CEP162: variants seen among roughly 807,000 people sequenced by gnomAD.
The protein encoded by CEP162 is centrosomal protein of 162 kDa.
Under a neutral mutation model 169.2 loss-of-function variants are expected in CEP162, and 141 were observed. The ratio of observed to expected loss-of-function variants is 0.83; its 90% CI spans 0.73 to 0.96. CEP162 has a LOEUF of 0.96. Ranked by LOEUF, CEP162 falls within the 40% of genes least tolerant of loss-of-function variation. The pLI is 0.00. For synonymous variants in CEP162, 540 were observed against 526.4 expected (o/e 1.03, Z -0.35); for missense variants, 1,600 against 1,587.2 (o/e 1.01, Z -0.14).
intron 13 of CEP162, among the ~76,000 whole-genome samples, chr6:84,184,362 T>C (rs774899662): frequency 1.6e-4 from 25 of 152,154 alleles, no homozygotes; most frequent in East Asian, 7.7e-4. Context: ...ATCTGCAGCA[T>C]GGTCTATAAT....
chr6:84,141,108 G>GCC (rs144526623), intron 25 of CEP162, among the ~76,000 whole-genome samples: 7 of 152,058 alleles, frequency 4.6e-5, no homozygotes, highest in African/African-American at 1.7e-4. Context: ...ATGCTCACTC[G>GCC]CCCCCTGCTC....
At chr6:84,165,512 A>G (rs757224371) in intron 18 of CEP162, among the ~76,000 whole-genome samples, 1 of 152,060 alleles carries the variant, frequency 6.6e-6, no homozygotes, top group Non-Finnish European at 1.5e-5. Flanking sequence ...TACCTCTAGT[A>G]TGGCATTTAT....
At chr6:84,204,236 A>ACATCTACAGAACTCTGTAGATGTAGAGAC in intron 6 of CEP162, 140 bp from the exon 7 acceptor site, 1 of 547,714 alleles carries the variant, frequency 1.8e-6, no homozygotes. Flanking sequence ...GTCTTTAGAG[A>ACATCTACAGAACTCTGTAGATGTAGAGAC]ATCTACAGAA....
intron 13 of CEP162, among the ~76,000 whole-genome samples, chr6:84,178,713 G>C (rs866535747): frequency 6.6e-6 from 1 of 152,022 alleles, no homozygotes; most frequent in African/African-American, 2.4e-5. Context: ...ACAACGTGCA[G>C]GTTTGTTACA....
In CEP162 at chr6:84,145,411, A is replaced by G. The variant is rs57474019; in HGVS notation, c.3870+1276T>C. On this transcript the variant is annotated intron_variant, in intron 25 of 26. Transcript: ENST00000403245. Reference sequence around the variant, plus strand: ...TTCTTGCTGCACTTTTTATGCAAATAACCAAGCCAAGTTTAATGAGACTAG... The same window carrying G: ...TTCTTGCTGCACTTTTTATGCAAATGACCAAGCCAAGTTTAATGAGACTAG... Among the ~76,000 whole-genome samples, 904 of 152,258 alleles carry G rather than the reference A, an allele frequency of 5.9e-3. 4 individuals are homozygous for G. The highest frequency in any genetic ancestry group is 0.021 in the African/African-American group (870 of 41,546).
At chr6:84,163,556 G>A (rs1021323697) in intron 18 of CEP162, among the ~76,000 whole-genome samples, 3 of 151,478 alleles carry the variant, frequency 2.0e-5, no homozygotes, top group African/African-American at 7.3e-5. Context: ...TCTCTTGCTT[G>A]GATTACTGTA....
chr6:84,133,108 G>A (rs1305694035), intron 25 of CEP162, among the ~76,000 whole-genome samples: 1 of 152,138 alleles, frequency 6.6e-6, no homozygotes, highest in Non-Finnish European at 1.5e-5. Flanking sequence ...GGTCTGTTGG[G>A]AGTTTGCTTG....
In CEP162 at chr6:84,208,084, A is replaced by T. The variant is rs570621136; in HGVS notation, c.572-3988T>A. Among the ~76,000 whole-genome samples, 3 of 151,256 alleles carry T rather than the reference A, an allele frequency of 2.0e-5. No individual in the cohort carries two copies. In the East Asian group the frequency reaches 5.8e-4, roughly 29 times the overall value. Reference sequence around the variant, plus strand: ...GTAAGTCTTAACTAGTACTTATGAAAGATCTCTGACCCTTCCCTTAGGTAA... The same window carrying T: ...GTAAGTCTTAACTAGTACTTATGAATGATCTCTGACCCTTCCCTTAGGTAA... On this transcript the variant is annotated intron_variant, in intron 6 of 26. Coordinates refer to ENST00000403245, the MANE Select transcript of CEP162 (RefSeq NM_014895.4).
intron 25 of CEP162, among the ~76,000 whole-genome samples, chr6:84,132,219 T>A (rs2099511868): frequency 3.3e-5 from 5 of 152,348 alleles, no homozygotes; most frequent in Middle Eastern, 3.4e-3. Flanking sequence ...CTGCTGTTAG[T>A]CTGATGGGCT....
At chr6:84,207,100 G>A (rs1015767001) in intron 6 of CEP162, among the ~76,000 whole-genome samples, 2 of 152,182 alleles carry the variant, frequency 1.3e-5, no homozygotes, top group Non-Finnish European at 2.9e-5. Flanking sequence ...TGGAGAAACA[G>A]GAACGCTTTT....
In CEP162 at chr6:84,189,234, C is replaced by T. The variant is rs142751529; in HGVS notation, c.1110-2611G>A. On this transcript the variant is annotated intron_variant, in intron 11 of 26. Transcript: ENST00000403245. ...AGTTCTCAGAGCCCTCGCTTGCTCT[C>T]GGCACCTCCCCTGCCTGGGCTCCCA... is the stretch of plus-strand genomic sequence containing the variant. Among the ~76,000 whole-genome samples the T allele has an allele frequency of 3.3e-5, 5 of 152,118 alleles. No homozygotes were observed. In the South Asian group the frequency reaches 8.3e-4, roughly 25 times the overall value.
At chr6:84,204,684 C>T (rs1266507564) in intron 6 of CEP162, among the ~76,000 whole-genome samples, 1 of 152,068 alleles carries the variant, frequency 6.6e-6, no homozygotes, top group East Asian at 1.9e-4. Flanking sequence ...GAAGCATGAG[C>T]AAACACATTC....
In CEP162 at chr6:84,169,934, C is replaced by A. The variant is rs72909515; in HGVS notation, c.2280-501G>T. On this transcript the variant is annotated intron_variant, in intron 17 of 26. Transcript: ENST00000403245. ...TTGGATTCCACATAAGATCATCTAACCCTAATGTACTAAAGAAACCATTTA... is the reference window on the plus strand; with the variant it reads ...TTGGATTCCACATAAGATCATCTAAACCTAATGTACTAAAGAAACCATTTA... Among the ~76,000 whole-genome samples, 397 of 152,208 alleles carry A rather than the reference C, an allele frequency of 2.6e-3. 2 individuals carry two copies. The highest frequency in any genetic ancestry group is 4.8e-3 in the Non-Finnish European group (328 of 68,018).
At chr6:84,139,127 T>C (rs1332344057) in intron 25 of CEP162, among the ~76,000 whole-genome samples, 1 of 152,226 alleles carries the variant, frequency 6.6e-6, no homozygotes. Flanking sequence ...AAAAGCTCTC[T>C]ATCCTCCTCT....
chr6:84,172,225 G>C (rs2129218982), intron 16 of CEP162, among the ~76,000 whole-genome samples: 1 of 152,280 alleles, frequency 6.6e-6, no homozygotes, highest in Non-Finnish European at 1.5e-5. Context: ...ACTGTAAACA[G>C]GGAGTTAAAG....
rs141529508 is a variant in CEP162, at chr6:84,224,201, T to G, written c.57+2136A>C. 3.4e-3 allele frequency among the ~76,000 whole-genome samples: 523 copies of G among 152,246 alleles called. 3 individuals carry two copies. The highest frequency in any genetic ancestry group is 0.012 in the African/African-American group (481 of 41,534). ...CATCTACACAATGAAATATTACTTA[T>G]CCATAAAAAGAAATGAAGTGTTAAT... On this transcript the variant is annotated intron_variant, in intron 2 of 26. Transcript: ENST00000403245.
At chr6:84,165,260 T>C (rs1463372507) in intron 18 of CEP162, among the ~76,000 whole-genome samples, 2 of 151,880 alleles carry the variant, frequency 1.3e-5, no homozygotes, top group South Asian at 2.1e-4. Flanking sequence ...ACCTGACATA[T>C]AAAATGCAGG....
Position 84,160,012 on chromosome 6 carries a change from CCTT to C in CEP162, c.2781+797_2781+799del, listed in dbSNP as rs554455517. Among the ~76,000 whole-genome samples, 356 of 152,166 alleles carry C rather than the reference CCTT, an allele frequency of 2.3e-3. 2 individuals are homozygous for C. Among genetic ancestry groups the C allele is most frequent in the South Asian group, 4.6e-3 (22 of 4,820 alleles). On this transcript the variant is annotated intron_variant, in intron 21 of 26. Coordinates refer to ENST00000403245, the MANE Select transcript of CEP162 (RefSeq NM_014895.4). ...TAAAGTTAATTCTTTGCTTAGTTTT[CCTT>C]CTTCTCATAAAACTGGGATAATATT...
chr6:84,195,686 CCTT>C (rs2099541838), intron 9 of CEP162, among the ~76,000 whole-genome samples: 1 of 152,118 alleles, frequency 6.6e-6, no homozygotes, highest in South Asian at 2.1e-4. Flanking sequence ...CTTCTGCATG[CCTT>C]CTTCTTTTTG....
Sources: allele counts gnomAD v4.1 joint callset (sites outside exome capture counted in the v4.1 genomes callset), GRCh38; gene constraint gnomAD v4.1.1; transcripts MANE v1.5; gene names NCBI Gene and HGNC (gene_info 2026-07-23, HGNC 2026-07-21).